TFB1M: variants seen among roughly 807,000 people sequenced by gnomAD.
TFB1M encodes the protein transcription factor B1, mitochondrial, also known as dimethyladenosine transferase 1, mitochondrial.
In TFB1M, 27 loss-of-function variants were observed where a neutral mutation model predicts 31.1. That is an observed-to-expected ratio of 0.87 (90% CI 0.64 to 1.20). The LOEUF is 1.20. TFB1M is among the 50% of genes most tolerant of loss of function. The pLI is 0.00. For missense variants in TFB1M, 394 were observed against 418.7 expected (o/e 0.94, Z 0.51); for synonymous variants, 166 against 151.8 (o/e 1.09, Z -0.69).
At chr6:155,231,001 T>A in the TFB1M span, among the ~76,000 whole-genome samples, 1 of 28,954 alleles carries the variant, frequency 3.5e-5, no homozygotes, top group Admixed American at 2.1e-4. Context: ...CCTGGCTAAT[T>A]TTTTTTTTTT....
At chr6:155,300,740 T>C (rs1777387373) in intron 2 of TFB1M, among the ~76,000 whole-genome samples, 1 of 152,200 alleles carries the variant, frequency 6.6e-6, no homozygotes, top group Admixed American at 6.5e-5. Flanking sequence ...TACAACTGTA[T>C]ATCTAAAAGC....
rs1491068856 is a variant in TFB1M at position 155,305,603 on chromosome 6, A to AAATATATATTAAATTATATATT, written c.285+5584_285+5585insAATATATAATTTAATATATATT. On this transcript the variant is annotated intron_variant, in intron 2 of 6. Coordinates refer to ENST00000367166, the MANE Select transcript of TFB1M (RefSeq NM_016020.4). ...TATTAAATTATATATTTATATATAAATATATATATATTAAATTATATATTT... is the reference window on the plus strand; with the variant it reads ...TATTAAATTATATATTTATATATAAAAATATATATTAAATTATATATTTATATATATATTAAATTATATATTT... 1.8e-4 allele frequency among the ~76,000 whole-genome samples: 2 copies of AAATATATATTAAATTATATATT among 11,046 alleles called. 1 individual carries two copies. Among genetic ancestry groups the AAATATATATTAAATTATATATT allele is most frequent in the South Asian group, 0.01 (2 of 200 alleles). 7.2% of individuals were successfully genotyped at this position (11,046 alleles called of 152,430 possible). A position where few individuals can be genotyped will look rare whatever the true frequency, so the allele number is the denominator to read the frequency against.
chr6:155,238,897 A>G, the TFB1M span, among the ~76,000 whole-genome samples: 1 of 152,226 alleles, frequency 6.6e-6, no homozygotes, highest in Non-Finnish European at 1.5e-5. Flanking sequence ...AAGACTAGCC[A>G]GAGATCAATG....
At chr6:155,250,573 A>G in the TFB1M span, 3 of 1,536,048 alleles carry the variant, frequency 2.0e-6, no homozygotes, top group Admixed American at 2.0e-5. Flanking sequence ...TGGATGTACT[A>G]GATCCCAGGG....
At chr6:155,302,270 A>G (rs187914868) in intron 2 of TFB1M, among the ~76,000 whole-genome samples, 1 of 152,334 alleles carries the variant, frequency 6.6e-6, no homozygotes, top group Admixed American at 6.5e-5. Context: ...CTGATTTGCC[A>G]CATAGTAGGG....
the TFB1M span, among the ~76,000 whole-genome samples, chr6:155,233,452 G>A: frequency 6.6e-6 from 1 of 152,128 alleles, no homozygotes; most frequent in African/African-American, 2.4e-5. Flanking sequence ...AGAGGGTCTG[G>A]GCGAGCTGCT....
intron 5 of TFB1M, among the ~76,000 whole-genome samples, chr6:155,261,390 C>A (rs1049548670): frequency 6.6e-6 from 1 of 152,012 alleles, no homozygotes; most frequent in Non-Finnish European, 1.5e-5. Context: ...AAAAGGAACT[C>A]CATTGTTGAA....
intron 5 of TFB1M, among the ~76,000 whole-genome samples, chr6:155,265,462 G>A (rs76637693): frequency 0.07 from 10,679 of 151,480 alleles, 499 homozygotes; most frequent in East Asian, 0.18. Context: ...CAGTACATTC[G>A]TATATTCATA....
intron 2 of TFB1M, among the ~76,000 whole-genome samples, chr6:155,308,104 G>C (rs958235578): frequency 2.1e-4 from 32 of 152,044 alleles, no homozygotes; most frequent in Admixed American, 6.6e-4. Flanking sequence ...TTGAGATTCA[G>C]GAAATCTCCT....
chr6:155,286,734 T>C (rs1030530335), intron 4 of TFB1M, among the ~76,000 whole-genome samples: 1 of 151,138 alleles, frequency 6.6e-6, no homozygotes, highest in African/African-American at 2.4e-5. Context: ...TCCAGTGCTT[T>C]GGGAAGCCAA....
rs11964106 is a variant in TFB1M, at chr6:155,285,576, G to A, written c.547-299C>T. 7.1e-3 allele frequency among the ~76,000 whole-genome samples: 1,078 copies of A among 152,282 alleles called. 12 individuals are homozygous for A. Among genetic ancestry groups the A allele is most frequent in the African/African-American group, 0.025 (1,025 of 41,554 alleles). On this transcript the variant is annotated intron_variant, in intron 4 of 6. Coordinates refer to ENST00000367166, the MANE Select transcript of TFB1M (RefSeq NM_016020.4). Reference sequence around the variant, plus strand: ...CCACTGTTATATTCTATAGCAGAAGGTCCTACATAAAACAAGCAATCAATA... The same window carrying A: ...CCACTGTTATATTCTATAGCAGAAGATCCTACATAAAACAAGCAATCAATA...
At chr6:155,242,451 G>C in the TFB1M span, among the ~76,000 whole-genome samples, 3 of 152,168 alleles carry the variant, frequency 2.0e-5, no homozygotes, top group East Asian at 3.9e-4. Context: ...TTCTCTGAGC[G>C]GTCTGGCGTG....
chr6:155,313,720 C>A (rs960570281), intron 1 of TFB1M, among the ~76,000 whole-genome samples: 10 of 152,154 alleles, frequency 6.6e-5, no homozygotes, highest in African/African-American at 2.4e-4. Context: ...CGAGGAAACA[C>A]CGCCTTGTTC....
downstream of TFB1M, chr6:155,251,861 A>T: frequency 9.5e-7 from 1 of 1,055,862 alleles, no homozygotes. Flanking sequence ...GGAGAGTGTT[A>T]CTCTGTTAAG....
chr6:155,243,112 T>C, the TFB1M span, among the ~76,000 whole-genome samples: 9 of 152,314 alleles, frequency 5.9e-5, no homozygotes, highest in Middle Eastern at 6.8e-3. Context: ...CCCACTATAC[T>C]GTCCTGCTGG....
chr6:155,281,958 CTAA>C lies in TFB1M; in HGVS notation c.666+3197_666+3199del, dbSNP rs1403594849. On this transcript the variant is annotated intron_variant, in intron 5 of 6. Coordinates refer to ENST00000367166, the MANE Select transcript of TFB1M (RefSeq NM_016020.4). ...GTGGATTCTCAGGGATCTACAGAGG[CTAA>C]TAGAGAAAAGCTAGCTTGAGAAACT... 1.2e-4 allele frequency among the ~76,000 whole-genome samples: 18 copies of C among 151,958 alleles called. No individual in the cohort carries two copies. In the East Asian group the frequency reaches 3.5e-3, roughly 29 times the overall value.
At chr6:155,235,078 G>C in the TFB1M span, among the ~76,000 whole-genome samples, 1 of 151,914 alleles carries the variant, frequency 6.6e-6, no homozygotes, top group Non-Finnish European at 1.5e-5. Flanking sequence ...CTAGAGAGGG[G>C]AACGGGCCCT....
rs1309057216 is a variant in TFB1M, at chr6:155,292,069, AAGG to A, written c.546+4881_546+4883del. Among the ~76,000 whole-genome samples the A allele has an allele frequency of 2.0e-5, 3 of 152,270 alleles. No individual in the cohort carries two copies. In the East Asian group the frequency reaches 5.8e-4, roughly 29 times the overall value. On this transcript the variant is annotated intron_variant, in intron 4 of 6. Coordinates refer to ENST00000367166, the MANE Select transcript of TFB1M (RefSeq NM_016020.4). The stretch of plus-strand genomic sequence containing the variant: ...GCAGGACTGTCATTACTGAAATGGA[AAGG>A]AGATGAGCCTTAGATGCCCGGCCTG...
chr6:155,304,270 G>T (rs927423595), intron 2 of TFB1M, among the ~76,000 whole-genome samples: 1 of 151,972 alleles, frequency 6.6e-6, no homozygotes, highest in Non-Finnish European at 1.5e-5. Flanking sequence ...CACCAGGAGC[G>T]AAACTCTTGT....
Sources: gnomAD v4.1 joint callset for allele counts (sites outside exome capture counted in the v4.1 genomes callset) on GRCh38, gnomAD v4.1.1 for gene constraint, MANE v1.5 for transcripts, NCBI Gene and HGNC (gene_info 2026-07-23, HGNC 2026-07-21) for gene names.